ELMO1: variants seen among roughly 807,000 people sequenced by gnomAD.
The protein encoded by ELMO1 is engulfment and cell motility protein 1.
ELMO1 carries 26 observed loss-of-function variants against 98.9 expected under a neutral mutation model. The ratio of observed to expected loss-of-function variants is 0.26; its 90% confidence interval spans 0.19 to 0.36. ELMO1 has a LOEUF of 0.36. ELMO1 is among the 10% of genes least tolerant of loss of function. The pLI, the probability that ELMO1 is intolerant of heterozygous loss-of-function variation, is 1.00. For synonymous variants in ELMO1, 346 were observed against 346.0 expected (o/e 1.00, Z 0.00); for missense variants, 627 against 935.2 (o/e 0.67, Z 4.30).
intron 5 of ELMO1, among the ~76,000 whole-genome samples, chr7:37,265,819 A>C (rs1163836114): frequency 6.6e-6 from 1 of 152,044 alleles, no homozygotes; most frequent in African/African-American, 2.4e-5. Context: ...CACAGCTTTA[A>C]ATGCCATTTC....
intron 16 of ELMO1, 86 bp downstream of exon 16, chr7:37,013,213 T>C (rs1341798252): frequency 6.6e-7 from 1 of 1,507,390 alleles, no homozygotes; most frequent in Non-Finnish European, 9.0e-7. Flanking sequence ...CCTTGCCAAT[T>C]GCCTTCTGCA....
At chr7:37,412,510 G>T (rs11771053) in intron 1 of ELMO1, among the ~76,000 whole-genome samples, 27,022 of 152,212 alleles carry the variant, frequency 0.18, 2,959 homozygotes, top group East Asian at 0.32. Flanking sequence ...ACTACAGTGT[G>T]CCAACTACTG....
intron 16 of ELMO1, among the ~76,000 whole-genome samples, chr7:36,932,322 T>A (rs754914710): frequency 2.0e-5 from 3 of 152,060 alleles, no homozygotes; most frequent in Non-Finnish European, 4.4e-5. Context: ...GGGCGATACG[T>A]GATAAAAGAA....
At chr7:37,298,517 T>C (rs1445215228) in intron 4 of ELMO1, among the ~76,000 whole-genome samples, 2 of 148,348 alleles carry the variant, frequency 1.3e-5, no homozygotes, top group East Asian at 2.0e-4. Context: ...TGTGTTCTCA[T>C]TGTTCAATTC....
chr7:37,215,865 C>T (rs1461493004), intron 11 of ELMO1, among the ~76,000 whole-genome samples: 2 of 152,214 alleles, frequency 1.3e-5, no homozygotes, highest in African/African-American at 2.4e-5. Flanking sequence ...ATCTGTTGGC[C>T]TCACCATACT....
chr7:37,268,943 C>T (rs58886510), intron 5 of ELMO1, among the ~76,000 whole-genome samples: 1,556 of 152,308 alleles, frequency 0.01, 34 homozygotes, highest in African/African-American at 0.036. Context: ...TGTGTGTGCA[C>T]GCGCAGGCGT....
chr7:37,195,274 G>A (rs777450759), intron 13 of ELMO1, among the ~76,000 whole-genome samples: 4 of 152,190 alleles, frequency 2.6e-5, no homozygotes, highest in Admixed American at 1.3e-4. Flanking sequence ...TGGCTTCTCC[G>A]ATTCATCTTT....
intron 13 of ELMO1, among the ~76,000 whole-genome samples, chr7:37,191,515 T>C (rs993625590): frequency 5.9e-5 from 9 of 152,164 alleles, no homozygotes; most frequent in African/African-American, 1.9e-4. Flanking sequence ...TAATCCTCAA[T>C]GTGGACAAAC....
intron 13 of ELMO1, among the ~76,000 whole-genome samples, chr7:37,173,234 G>A (rs1486595556): frequency 2.6e-5 from 4 of 152,110 alleles, no homozygotes; most frequent in Non-Finnish European, 5.9e-5. Context: ...GTGATATCCT[G>A]TATTCTCTGT....
intron 16 of ELMO1, among the ~76,000 whole-genome samples, chr7:36,982,145 T>A (rs1294268559): frequency 6.6e-6 from 1 of 152,234 alleles, no homozygotes; most frequent in Non-Finnish European, 1.5e-5. Flanking sequence ...CAGTTATTTA[T>A]TGGAAAACTT....
intron 15 of ELMO1, among the ~76,000 whole-genome samples, chr7:37,020,262 C>T (rs2129178563): frequency 1.3e-5 from 2 of 152,322 alleles, no homozygotes; most frequent in East Asian, 3.9e-4. Context: ...AATACATCTT[C>T]AACTCCCCAA....
chr7:37,340,020 T>C (rs984080737), intron 2 of ELMO1, among the ~76,000 whole-genome samples: 1 of 152,030 alleles, frequency 6.6e-6, no homozygotes. Context: ...TCACAAAAGA[T>C]AAAGACTGAG....
intron 2 of ELMO1, among the ~76,000 whole-genome samples, chr7:37,319,458 C>T (rs1324180841): frequency 2.6e-5 from 4 of 152,174 alleles, no homozygotes; most frequent in African/African-American, 9.7e-5. Flanking sequence ...ATTCCAACTC[C>T]TGCCATCAAA....
At chr7:37,076,730 G>A (rs889217558) in intron 15 of ELMO1, among the ~76,000 whole-genome samples, 2 of 152,196 alleles carry the variant, frequency 1.3e-5, no homozygotes, top group African/African-American at 2.4e-5. Context: ...GGACCCATCT[G>A]CTGGTTTCTC....
intron 15 of ELMO1, chr7:37,033,262 T>G: frequency 2.5e-6 from 1 of 402,030 alleles, no homozygotes; most frequent in Non-Finnish European, 5.0e-6. Flanking sequence ...AAGTCCAAAT[T>G]GTTCCCCCTT....
intron 16 of ELMO1, among the ~76,000 whole-genome samples, chr7:36,998,613 T>A (rs1792399079): frequency 6.6e-6 from 1 of 151,992 alleles, no homozygotes; most frequent in Admixed American, 6.6e-5. Context: ...GTAAAAAAAA[T>A]TTTTAAGGAG....
intron 13 of ELMO1, among the ~76,000 whole-genome samples, chr7:37,180,849 GAA>G (rs1790819145): frequency 6.6e-6 from 1 of 151,944 alleles, no homozygotes; most frequent in African/African-American, 2.4e-5. Flanking sequence ...CGCAAACAGA[GAA>G]AGAGAGAAAG....
intron 6 of ELMO1, among the ~76,000 whole-genome samples, chr7:37,250,588 C>T (rs1795290356): frequency 6.6e-6 from 1 of 151,978 alleles, no homozygotes. Context: ...GTCAGGAGAT[C>T]AAGACCATCC....
At chr7:37,379,047 T>C (rs1178251747) in intron 1 of ELMO1, among the ~76,000 whole-genome samples, 1 of 80,146 alleles carries the variant, frequency 1.2e-5, no homozygotes, top group African/African-American at 4.1e-5. Context: ...ATTCTTCTTC[T>C]TTTTTTTTTT....
Sources: gnomAD v4.1 joint callset for allele counts (sites outside exome capture counted in the v4.1 genomes callset) on GRCh38, gnomAD v4.1.1 for gene constraint, MANE v1.5 for transcripts, NCBI Gene and HGNC (gene_info 2026-07-23, HGNC 2026-07-21) for gene names.